RAB38: variants seen among roughly 807,000 people sequenced by gnomAD.
RAB38 encodes the protein ras-related protein Rab-38.
RAB38 carries 15 observed loss-of-function variants against 18.4 expected under a neutral mutation model. The ratio of observed to expected loss-of-function variants is 0.82; its 90% CI spans 0.55 to 1.26. RAB38 has a LOEUF of 1.26. Ranked by LOEUF, RAB38 falls within the 50% of genes most tolerant of loss-of-function variation. The pLI is 0.00. For missense variants in RAB38, 294 were observed against 267.4 expected, an observed-to-expected ratio of 1.10 and a Z score of -0.69; for synonymous variants, 101 against 104.4, an observed-to-expected ratio of 0.97 and a Z score of 0.20.
chr11:88,161,997 T>A (rs768475886), intron 1 of RAB38, among the ~76,000 whole-genome samples: 3 of 152,076 alleles, frequency 2.0e-5, no homozygotes, highest in Non-Finnish European at 4.4e-5. Context: ...AATATGGACC[T>A]TGCACAATAA....
chr11:87,854,301 A>C, the RAB38 span, among the ~76,000 whole-genome samples: 2 of 152,220 alleles, frequency 1.3e-5, no homozygotes, highest in South Asian at 4.1e-4. Context: ...ATTTAACTAG[A>C]AATGTGGTAT....
the RAB38 span, among the ~76,000 whole-genome samples, chr11:87,945,969 A>G: frequency 6.6e-6 from 1 of 152,162 alleles, no homozygotes; most frequent in African/African-American, 2.4e-5. Context: ...AAGTGAGATA[A>G]TGCACTGTGA....
At chr11:87,960,392 A>AC in the RAB38 span, among the ~76,000 whole-genome samples, 1 of 151,218 alleles carries the variant, frequency 6.6e-6, no homozygotes, top group Non-Finnish European at 1.5e-5. Flanking sequence ...AAAAAAGAAA[A>AC]AAAGAGAGAA....
the RAB38 span, among the ~76,000 whole-genome samples, chr11:87,889,484 A>C: frequency 0.028 from 4,195 of 152,030 alleles, 271 homozygotes; most frequent in Admixed American, 0.16. Flanking sequence ...AATAATTATT[A>C]TAGTTATCAA....
chr11:87,952,537 G>C, the RAB38 span, among the ~76,000 whole-genome samples: 1 of 152,080 alleles, frequency 6.6e-6, no homozygotes, highest in Non-Finnish European at 1.5e-5. Context: ...ACCCTGCATT[G>C]GGCAGGGCAA....
the RAB38 span, among the ~76,000 whole-genome samples, chr11:87,933,321 G>A: frequency 1.3e-5 from 2 of 151,994 alleles, no homozygotes; most frequent in African/African-American, 4.8e-5. Flanking sequence ...ATTTTCCTCT[G>A]AGCCGTTCCT....
intron 2 of RAB38, among the ~76,000 whole-genome samples, chr11:88,133,141 C>T (rs528522423): frequency 7.9e-5 from 12 of 152,108 alleles, no homozygotes; most frequent in African/African-American, 1.7e-4. Context: ...AACTGGCATA[C>T]GGACAGATTA....
chr11:88,173,934 G>C, intron 1 of RAB38: 1 of 985,442 alleles, frequency 1.0e-6, no homozygotes, highest in Non-Finnish European at 1.2e-6. Flanking sequence ...ATTTGTTCTA[G>C]TTTCAAGCCA....
the RAB38 span, among the ~76,000 whole-genome samples, chr11:88,065,910 G>A: frequency 2.0e-5 from 3 of 152,064 alleles, no homozygotes; most frequent in Admixed American, 6.6e-5. Flanking sequence ...GAATTTGTAC[G>A]GGCTTTTCGA....
the RAB38 span, among the ~76,000 whole-genome samples, chr11:87,873,785 T>G: frequency 2.0e-5 from 3 of 151,300 alleles, no homozygotes; most frequent in Admixed American, 2.0e-4. Flanking sequence ...TATTTCTTTC[T>G]TAACTCTCTG....
At chr11:88,017,266 T>C in the RAB38 span, among the ~76,000 whole-genome samples, 16 of 152,102 alleles carry the variant, frequency 1.1e-4, no homozygotes, top group African/African-American at 3.6e-4. Context: ...ATTGTACCTA[T>C]GTGCATAAAT....
At chr11:88,004,026 C>G in the RAB38 span, among the ~76,000 whole-genome samples, 1 of 136,834 alleles carries the variant, frequency 7.3e-6, no homozygotes, top group Admixed American at 7.9e-5. Flanking sequence ...ACCTTCTCTT[C>G]TATTTTATAT....
the RAB38 span, among the ~76,000 whole-genome samples, chr11:87,819,787 T>C: frequency 6.9e-6 from 1 of 145,500 alleles, no homozygotes; most frequent in African/African-American, 2.6e-5. Flanking sequence ...TATATATGTA[T>C]ATATGTGTGT....
chr11:87,906,082 A>T, the RAB38 span, among the ~76,000 whole-genome samples: 3 of 151,896 alleles, frequency 2.0e-5, no homozygotes, highest in African/African-American at 7.2e-5. Context: ...GTGTTCTGAA[A>T]ATATATTTTT....
At chr11:88,018,076 G>T in the RAB38 span, among the ~76,000 whole-genome samples, 1 of 152,070 alleles carries the variant, frequency 6.6e-6, no homozygotes, top group African/African-American at 2.4e-5. Flanking sequence ...AGAACTGTGA[G>T]TCCATTACAC....
chr11:87,939,262 T>C, the RAB38 span, among the ~76,000 whole-genome samples: 35,356 of 151,708 alleles, frequency 0.23, 4,421 homozygotes, highest in South Asian at 0.38. Context: ...TCCAGAGTTA[T>C]GGGTAGATAA....
the RAB38 span, among the ~76,000 whole-genome samples, chr11:87,956,741 A>T: frequency 6.6e-6 from 1 of 152,070 alleles, no homozygotes; most frequent in African/African-American, 2.4e-5. Flanking sequence ...CATTTTTTTT[A>T]ATCTACCTTA....
At chr11:88,025,709 T>G in the RAB38 span, among the ~76,000 whole-genome samples, 1 of 152,214 alleles carries the variant, frequency 6.6e-6, no homozygotes, top group Non-Finnish European at 1.5e-5. Context: ...GCCCACTTTT[T>G]AATGGGGCTG....
the RAB38 span, among the ~76,000 whole-genome samples, chr11:87,921,242 A>G: frequency 6.6e-6 from 1 of 152,026 alleles, no homozygotes; most frequent in African/African-American, 2.4e-5. Flanking sequence ...AGTAGAAACG[A>G]TACTTTGAAT....
Sources: allele counts gnomAD v4.1 joint callset (sites outside exome capture counted in the v4.1 genomes callset), GRCh38; gene constraint gnomAD v4.1.1; transcripts MANE v1.5; gene names NCBI Gene and HGNC (gene_info 2026-07-23, HGNC 2026-07-21).